KCNIP4: variants seen among roughly 807,000 people sequenced by gnomAD.
KCNIP4 encodes the protein potassium voltage-gated channel interacting protein 4.
Under a neutral mutation model 34.0 loss-of-function variants are expected in KCNIP4, and 12 were observed. That is an observed-to-expected ratio of 0.35 (90% confidence interval 0.23 to 0.57). The LOEUF is 0.57. Among genes scored for constraint, KCNIP4 ranks in the 20% least tolerant of loss-of-function variants. KCNIP4 has a pLI of 0.83. For synonymous variants in KCNIP4, 124 were observed against 102.2 expected (o/e 1.21, Z -1.29); for missense variants, 238 against 311.7 (o/e 0.76, Z 1.78).
chr4:21,592,620 A>C (rs1742305911), intron 1 of KCNIP4, among the ~76,000 whole-genome samples: 1 of 152,142 alleles, frequency 6.6e-6, no homozygotes, highest in Non-Finnish European at 1.5e-5. Context: ...TCCTGAATCC[A>C]ACCCCATGAT....
intron 1 of KCNIP4, among the ~76,000 whole-genome samples, chr4:21,863,129 A>C (rs1418431985): frequency 6.6e-6 from 1 of 152,144 alleles, no homozygotes; most frequent in East Asian, 1.9e-4. Context: ...GTGGCAAAAA[A>C]CAAAAAAACT....
intron 1 of KCNIP4, among the ~76,000 whole-genome samples, chr4:21,263,881 CT>C (rs1761627002): frequency 6.6e-6 from 1 of 151,972 alleles, no homozygotes; most frequent in Non-Finnish European, 1.5e-5. Context: ...CCAAGCTGGT[CT>C]GGAATTCCTG....
chr4:20,775,617 G>A (rs1007613610), intron 3 of KCNIP4, among the ~76,000 whole-genome samples: 83 of 152,178 alleles, frequency 5.5e-4, no homozygotes, highest in African/African-American at 1.8e-3. Context: ...GCTGAGGTGG[G>A]AGGATTGCTT....
At chr4:21,467,875 G>C (rs115433895) in intron 1 of KCNIP4, among the ~76,000 whole-genome samples, 1,874 of 152,266 alleles carry the variant, frequency 0.012, 41 homozygotes, top group African/African-American at 0.043. Flanking sequence ...ATGTGGCCAT[G>C]TTAATAATGC....
At chr4:21,018,199 C>G (rs1403105380) in intron 1 of KCNIP4, among the ~76,000 whole-genome samples, 1 of 152,152 alleles carries the variant, frequency 6.6e-6, no homozygotes, top group Admixed American at 6.5e-5. Context: ...TCTAAACTCT[C>G]TCTTTTCTTT....
intron 1 of KCNIP4, among the ~76,000 whole-genome samples, chr4:21,105,612 G>C (rs1748445733): frequency 6.6e-6 from 1 of 151,548 alleles, no homozygotes; most frequent in Non-Finnish European, 1.5e-5. Flanking sequence ...AATTGCCCTG[G>C]CCAGAACTTC....
At chr4:21,453,961 G>A (rs1269649219) in intron 1 of KCNIP4, among the ~76,000 whole-genome samples, 1 of 151,994 alleles carries the variant, frequency 6.6e-6, no homozygotes, top group African/African-American at 2.4e-5. Flanking sequence ...AATGACCTCT[G>A]AGGCTTGTTG....
intron 1 of KCNIP4, among the ~76,000 whole-genome samples, chr4:21,007,604 A>C (rs1260393622): frequency 1.3e-5 from 2 of 152,164 alleles, no homozygotes; most frequent in African/African-American, 4.8e-5. Flanking sequence ...TTTACTTTAG[A>C]GAAAGTCATT....
In KCNIP4 at chr4:21,623,327, A is replaced by C. The variant is rs541046089; in HGVS notation, c.61+325244T>G. On this transcript the variant is annotated intron_variant, in intron 1 of 8. Coordinates refer to ENST00000382152, the MANE Select transcript of KCNIP4 (RefSeq NM_025221.6). Reference sequence around the variant, plus strand: ...ACTTGCTAGAAAAATTACTAAACATAAGATATGCTTTATATGAAAGGAGAT... The same window carrying C: ...ACTTGCTAGAAAAATTACTAAACATCAGATATGCTTTATATGAAAGGAGAT... Among the ~76,000 whole-genome samples the C allele has an allele frequency of 1.4e-4, 21 of 152,306 alleles. 1 individual carries two copies. In the South Asian group the frequency reaches 4.4e-3, roughly 32 times the overall value.
chr4:21,711,573 A>C (rs1713732675), intron 1 of KCNIP4, among the ~76,000 whole-genome samples: 1 of 152,240 alleles, frequency 6.6e-6, no homozygotes, highest in African/African-American at 2.4e-5. Flanking sequence ...TAAAATGTGT[A>C]AAAATATAAA....
chr4:20,905,090 G>A (rs949727575), intron 1 of KCNIP4, among the ~76,000 whole-genome samples: 9 of 152,156 alleles, frequency 5.9e-5, no homozygotes, highest in Admixed American at 1.3e-4. Context: ...AGTGTGTTAC[G>A]TTGCTAGGGC....
intron 1 of KCNIP4, among the ~76,000 whole-genome samples, chr4:21,760,540 A>C (rs1213103889): frequency 1.3e-5 from 2 of 152,076 alleles, no homozygotes; most frequent in African/African-American, 4.8e-5. Flanking sequence ...TTTGTGTTCT[A>C]TTGGCAGCAT....
At chr4:21,040,087 A>C (rs28618224) in intron 1 of KCNIP4, among the ~76,000 whole-genome samples, 9,835 of 152,124 alleles carry the variant, frequency 0.065, 596 homozygotes, top group African/African-American at 0.15. Flanking sequence ...CTCACTCACC[A>C]TCTCAAGAAC....
chr4:21,684,591 A>C (rs978536), intron 1 of KCNIP4, among the ~76,000 whole-genome samples: 1 of 151,916 alleles, frequency 6.6e-6, no homozygotes, highest in Non-Finnish European at 1.5e-5. Flanking sequence ...TAGTTTAAAA[A>C]TTTTTTTACT....
intron 1 of KCNIP4, among the ~76,000 whole-genome samples, chr4:21,782,535 T>A (rs1332481546): frequency 1.3e-5 from 2 of 151,868 alleles, no homozygotes; most frequent in African/African-American, 4.8e-5. Context: ...TTCTACAAAA[T>A]TTTTTTTAAA....
At position 20,900,312 on chromosome 4, in the gene KCNIP4, T is replaced by A. The variant is rs1315363870; in HGVS notation, c.62-17603A>T. On this transcript the variant is annotated intron_variant, in intron 1 of 8. Coordinates refer to ENST00000382152, the MANE Select transcript of KCNIP4 (RefSeq NM_025221.6). ...AAAGAATCACTTATAAAGGAAGAAA[T>A]GAAACCCGGGGATGATCAGAAGTCT... 2.0e-5 allele frequency among the ~76,000 whole-genome samples: 3 copies of A among 152,256 alleles called. No homozygotes were observed. In the East Asian group the frequency reaches 5.8e-4, roughly 29 times the overall value.
intron 1 of KCNIP4, among the ~76,000 whole-genome samples, chr4:21,094,617 T>A (rs889409122): frequency 6.6e-6 from 1 of 152,174 alleles, no homozygotes; most frequent in Non-Finnish European, 1.5e-5. Context: ...GGGTCTCACA[T>A]TGACTTGTGT....
rs144188686 is a variant in KCNIP4, at chr4:21,578,828, A to T, written c.61+369743T>A. On this transcript the variant is annotated intron_variant, in intron 1 of 8. Transcript: ENST00000382152. ...AGGTCATACATCCCACACTGGACTA[A>T]CTCAGGGGCAGTCCTTCTCTGTGAT... Among the ~76,000 whole-genome samples the T allele has an allele frequency of 6.0e-3, 919 of 152,262 alleles. 9 individuals carry two copies. Among genetic ancestry groups the T allele is most frequent in the Non-Finnish European group, 9.4e-3 (639 of 68,006 alleles).
chr4:21,476,699 TG>T (rs1440037489), intron 1 of KCNIP4, among the ~76,000 whole-genome samples: 1 of 152,204 alleles, frequency 6.6e-6, no homozygotes, highest in African/African-American at 2.4e-5. Flanking sequence ...TATGAGTCTA[TG>T]TGCTAAACCT....
Sources: gnomAD v4.1 joint callset for allele counts (sites outside exome capture counted in the v4.1 genomes callset) on GRCh38, gnomAD v4.1.1 for gene constraint, MANE v1.5 for transcripts, NCBI Gene and HGNC (gene_info 2026-07-23, HGNC 2026-07-21) for gene names.